CPT1B: variants seen among roughly 807,000 people sequenced by gnomAD.
CPT1B encodes the protein carnitine O-palmitoyltransferase 1, muscle isoform.
CPT1B carries 57 observed loss-of-function variants against 92.7 expected under a neutral mutation model. That is an observed-to-expected ratio of 0.62 (90% confidence interval 0.50 to 0.77). The LOEUF (loss-of-function observed/expected upper bound fraction) is 0.77, where lower values mean the gene tolerates loss of function less well. CPT1B is among the 30% of genes least tolerant of loss of function. The probability of loss-of-function intolerance (pLI) is 0.00; values close to 1 mark genes in which losing one functional copy is unlikely to be tolerated. For missense variants in CPT1B, 983 were observed against 1,017.4 expected, an observed-to-expected ratio of 0.97 and a Z score of 0.46; for synonymous variants, 398 against 383.5, an observed-to-expected ratio of 1.04 and a Z score of -0.44.
In CPT1B at chr22:50,573,567, T is replaced by G. The variant is rs777219757; in HGVS notation, c.1119A>C (p.Pro373=). 2 of 1,613,280 alleles carry G rather than the reference T, an allele frequency of 1.2e-6. No homozygotes were observed. Among genetic ancestry groups the G allele is most frequent in the East Asian group, 4.5e-5 (2 of 44,850 alleles). Residue 373 remains proline (P), a synonymous_variant, in exon 10 of 20, where the codon CCA becomes CCC. Coordinates refer to ENST00000312108, the MANE Select transcript of CPT1B (RefSeq NM_152246.3). The surrounding 1 kb of genome is among the most constrained non-coding windows in gnomAD (Gnocchi z 5.0). The part of the protein sequence containing the change: ...QFQRILDDPS[P]PQPGEEKLAA... ...CCAGCTTCTCCTCCCCAGGCTGAGG[T>G]GGGGAGGGGTCGTCCAGGATCCTCT...
In CPT1B at chr22:50,570,952, T is replaced by G; in HGVS notation, c.1967A>C (p.His656Pro). The G allele has an allele frequency of 6.2e-7, 1 of 1,613,876 alleles. No individual in the cohort carries two copies. Among genetic ancestry groups the G allele is most frequent in the South Asian group, 1.1e-5 (1 of 91,076 alleles). ...LAMTGAGIDR[H>P]LFCLYLVSKY... Reference sequence around the variant, plus strand: ...GGAGACCAAGTAAAGGCAGAAGAGGTGCCTGTCGATCCCTGCCCCGGTCAT... The same window carrying G: ...GGAGACCAAGTAAAGGCAGAAGAGGGGCCTGTCGATCCCTGCCCCGGTCAT... The change falls in exon 16 of 20, where the codon CAC becomes CCC. Residue 656 changes from histidine (H) to proline (P), a missense_variant. Physicochemically the swap from His to Pro is moderately conservative, Grantham distance 77 (BLOSUM62 -2). Coordinates refer to ENST00000312108, the MANE Select transcript of CPT1B (RefSeq NM_152246.3).
intron 17 of CPT1B, among the ~76,000 whole-genome samples, chr22:50,570,010 C>T (rs1208556866): frequency 6.6e-6 from 1 of 152,224 alleles, no homozygotes. Context: ...ACTTCAGAAG[C>T]ACCCAGTGCA....
At chr22:50,572,166 C>T (rs765169905) in intron 12 of CPT1B, 37 bp downstream of exon 12, 2 of 1,611,648 alleles carry the variant, frequency 1.2e-6, no homozygotes, top group South Asian at 1.1e-5. Context: ...TCATCCCCTA[C>T]AGCCTGCCCT....
chr22:50,576,064 G>C lies in CPT1B; in HGVS notation c.748C>G (p.Leu250Val). ...EYIYLRGRSP[L>V]MVNSNYYVMD... Reference sequence around the variant, plus strand: ...ACATAATAGTTGCTGTTCACCATGAGAGGGCTCCTGCCTCGAAGGTAGATG... The same window carrying C: ...ACATAATAGTTGCTGTTCACCATGACAGGGCTCCTGCCTCGAAGGTAGATG... The change falls in exon 7 of 20, where the codon CTC becomes GTC. Residue 250 changes from leucine (L) to valine (V), a missense_variant. Physicochemically the swap from Leu to Val is conservative, Grantham distance 32. Coordinates refer to ENST00000312108, the MANE Select transcript of CPT1B (RefSeq NM_152246.3). 2 of 1,614,134 alleles carry C rather than the reference G, an allele frequency of 1.2e-6. No homozygotes were observed. Among genetic ancestry groups the C allele is most frequent in the Non-Finnish European group, 1.7e-6 (2 of 1,180,028 alleles).
chr22:50,569,691 A>G, intron 17 of CPT1B, 23 bp from the exon 18 acceptor site: 1 of 1,581,066 alleles, frequency 6.3e-7, no homozygotes, highest in Non-Finnish European at 8.7e-7. Context: ...AGAAGGGTGA[A>G]GAAGGCATAA....
rs757229551 is a variant in CPT1B at position 50,572,986 on chromosome 22, C to T, written c.1241G>A (p.Arg414His). The change falls in exon 11 of 20, where the codon CGT becomes CAT. Residue 414 changes from arginine to histidine, a missense_variant. By Grantham distance (29) the Arg-to-His change is conservative. Transcript: ENST00000312108. ...KNKAALEAIERAAFFVALDEE... is the reference protein window; with the variant it reads ...KNKAALEAIEHAAFFVALDEE... ...ATCCAGGGCCACGAAGAAAGCGGCA[C>T]GCTCGATGGCCTCCAAGGCAGCCTT... The T allele has an allele frequency of 1.3e-5, 21 of 1,613,544 alleles. No homozygotes were observed. The highest frequency in any genetic ancestry group is 3.3e-5 in the South Asian group (3 of 91,084).
Position 50,569,669 on chromosome 22 carries a change from C to T in CPT1B, c.2143-1G>A, listed in dbSNP as rs756102769. On this transcript the variant is annotated splice_acceptor_variant, in intron 17 of 19. Coordinates refer to ENST00000312108, the MANE Select transcript of CPT1B (RefSeq NM_152246.3). LOFTEE classifies it high-confidence loss of function. ...AAACTCCATAGCCATCATCTGCTACCTGAGGGCAACAAGAAGGGTGAAGAA... is the reference window on the plus strand; with the variant it reads ...AAACTCCATAGCCATCATCTGCTACTTGAGGGCAACAAGAAGGGTGAAGAA... 1.2e-6 allele frequency: 2 copies of T among 1,612,902 alleles called. No homozygotes were observed. Among genetic ancestry groups the T allele is most frequent in the Non-Finnish European group, 1.7e-6 (2 of 1,179,006 alleles).
At chr22:50,577,202 G>A in intron 3 of CPT1B, 122 bp downstream of exon 3, 2 of 1,416,470 alleles carry the variant, frequency 1.4e-6, no homozygotes, top group Admixed American at 1.9e-5. Context: ...TCATAGGGGA[G>A]GGCTGCCCCG....
Position 50,577,929 on chromosome 22 carries a change from C to T in CPT1B, c.-14G>A, listed in dbSNP as rs2070538392. 1.2e-6 allele frequency: 2 copies of T among 1,604,082 alleles called. No individual in the cohort carries two copies. Among genetic ancestry groups the T allele is most frequent in the African/African-American group, 1.3e-5 (1 of 74,780 alleles). ...AGCTTCCGCCATCCTGGGGGTTGGT[C>T]GGCACCTAGGACGGGGGCAGATGGG... On this transcript the variant is annotated 5_prime_UTR_variant, in exon 2 of 20. Coordinates refer to ENST00000312108, the MANE Select transcript of CPT1B (RefSeq NM_152246.3).
rs1453538929 is a variant in CPT1B at position 50,572,953 on chromosome 22, G to A, written c.1274C>T (p.Ser425Phe). 6.2e-7 allele frequency: 1 copy of A among 1,613,838 alleles called. No homozygotes were observed. The highest frequency in any genetic ancestry group is 1.1e-5 in the South Asian group (1 of 91,084). ...CTCATCTTCGGGGTCATAGGAGTAG[G>A]ATTCCTCATCCAGGGCCACGAAGAA... ...AAFFVALDEE[S>F]YSYDPEDEAS... Residue 425 changes from serine (S) to phenylalanine (F), a missense_variant, in exon 11 of 20, where the codon TCC becomes TTC. Ser to Phe is a radical substitution (Grantham distance 155). Coordinates refer to ENST00000312108, the MANE Select transcript of CPT1B (RefSeq NM_152246.3).
At position 50,576,920 on chromosome 22, in the gene CPT1B, G is replaced by A; in HGVS notation, c.396C>T (p.Leu132=). The change falls in exon 4 of 20, where the codon CTC becomes CTT. Residue 132 remains leucine, a synonymous_variant. Coordinates refer to ENST00000312108, the MANE Select transcript of CPT1B (RefSeq NM_152246.3). Reference sequence around the variant, plus strand: ...TCTCAAACATCCACCCATGGTAGCAGAGAAGCAGCTTCAGGGTTTGGCGGA... The same window carrying A: ...TCTCAAACATCCACCCATGGTAGCAAAGAAGCAGCTTCAGGGTTTGGCGGA... The part of the protein sequence containing the change: ...FFFRQTLKLL[L]CYHGWMFEMH... 6.2e-7 allele frequency: 1 copy of A among 1,614,120 alleles called. No individual in the cohort carries two copies.
chr22:50,574,724 G>A, intron 7 of CPT1B, 124 bp from the exon 8 acceptor site: 1 of 715,112 alleles, frequency 1.4e-6, no homozygotes. Context: ...AGTACATCCT[G>A]CACATGCTGC....
At position 50,576,205 on chromosome 22, in the gene CPT1B, C is replaced by T; in HGVS notation, c.692G>A (p.Ser231Asn). 6.2e-7 allele frequency: 1 copy of T among 1,614,098 alleles called. No homozygotes were observed. Among genetic ancestry groups the T allele is most frequent in the Non-Finnish European group, 8.5e-7 (1 of 1,180,022 alleles). The change falls in exon 6 of 20, where the codon AGT becomes AAT. Residue 231 changes from serine (S) to asparagine (N), a missense_variant. Ser to Asn is a conservative substitution (Grantham distance 46, BLOSUM62 1). Coordinates refer to ENST00000312108, the MANE Select transcript of CPT1B (RefSeq NM_152246.3). ...CCAGGGGCAGGAACTTACATAGTTA[C>T]TTGCCCACCATGACTTGAGCACCAG... Reference protein sequence around the residue: ...KYLVLKSWWASNYVSDWWEEY... With the variant: ...KYLVLKSWWANNYVSDWWEEY...
chr22:50,572,619 C>T (rs536175202), intron 11 of CPT1B, among the ~76,000 whole-genome samples: 27 of 151,990 alleles, frequency 1.8e-4, no homozygotes, highest in African/African-American at 6.0e-4. Flanking sequence ...TAGCTTTTAA[C>T]CCTAGCCACT....
intron 5 of CPT1B, 85 bp downstream of exon 5, chr22:50,576,448 GCCA>G: frequency 6.3e-7 from 1 of 1,599,998 alleles, no homozygotes; most frequent in Non-Finnish European, 8.6e-7. Context: ...AGCCCTTAAG[GCCA>G]CTCTTTGCAC....
At chr22:50,577,704 G>A in intron 2 of CPT1B, 71 bp downstream of exon 2, 3 of 1,582,858 alleles carry the variant, frequency 1.9e-6, no homozygotes, top group South Asian at 2.3e-5. Flanking sequence ...GGCAGTGAGG[G>A]ACCCTAACAA....
At chr22:50,577,134 G>C in intron 3 of CPT1B, 100 bp from the exon 4 acceptor site, 1 of 1,438,406 alleles carries the variant, frequency 7.0e-7, no homozygotes. Flanking sequence ...GAACCTCCCT[G>C]GGCACACTCA....
rs776703603 is a variant in CPT1B at position 50,573,629 on chromosome 22, G to C, written c.1057C>G (p.Arg353Gly). 4 of 1,613,332 alleles carry C rather than the reference G, an allele frequency of 2.5e-6. No individual in the cohort carries two copies. In the African/African-American group the frequency reaches 4.0e-5, roughly 16 times the overall value. ...TCCAGATCCTGAGGCTTGAGCAGACGGGCGCCCTCATAGAGCCACAGCTTG... is the reference window on the plus strand; with the variant it reads ...TCCAGATCCTGAGGCTTGAGCAGACCGGCGCCCTCATAGAGCCACAGCTTG... ...FFKLWLYEGA[R>G]LLKPQDLEMQ... is the part of the protein sequence containing the mutation. Residue 353 changes from arginine to glycine, a missense_variant, in exon 10 of 20, where the codon CGT becomes GGT. Arg to Gly is a moderately radical substitution (Grantham distance 125). Coordinates refer to ENST00000312108, the MANE Select transcript of CPT1B (RefSeq NM_152246.3). This position sits in a 1 kb window ranked among gnomAD's most constrained non-coding sequence, Gnocchi z 5.0.
At chr22:50,569,459 G>C in intron 18 of CPT1B, 38 bp from the exon 19 acceptor site, 1 of 1,611,602 alleles carries the variant, frequency 6.2e-7, no homozygotes. Flanking sequence ...CTTCAGATAT[G>C]TACCCACCCC....
Sources: allele counts gnomAD v4.1 joint callset (sites outside exome capture counted in the v4.1 genomes callset), GRCh38; gene constraint gnomAD v4.1.1; non-coding constraint Gnocchi (gnomAD v3.1); transcripts MANE v1.5; gene names NCBI Gene and HGNC (gene_info 2026-07-23, HGNC 2026-07-21).